BCKDHB: variants seen among roughly 807,000 people sequenced by gnomAD.
BCKDHB encodes the protein branched chain keto acid dehydrogenase E1 subunit beta.
Under a neutral mutation model 48.5 loss-of-function variants are expected in BCKDHB, and 41 were observed. The ratio of observed to expected loss-of-function variants is 0.85; its 90% confidence interval spans 0.66 to 1.10. The LOEUF is 1.10. BCKDHB is among the 50% of genes least tolerant of loss of function. The probability of loss-of-function intolerance (pLI) is 0.00; values close to 1 mark genes in which losing one functional copy is unlikely to be tolerated. For missense variants in BCKDHB, 496 were observed against 494.2 expected (o/e 1.00, Z -0.03); for synonymous variants, 201 against 174.8 (o/e 1.15, Z -1.18).
chr6:80,392,385 C>A, the BCKDHB span, among the ~76,000 whole-genome samples: 1 of 151,150 alleles, frequency 6.6e-6, no homozygotes, highest in African/African-American at 2.5e-5. Flanking sequence ...TTATTTTGAA[C>A]TTTCCTTTAT....
At chr6:80,284,697 A>G (rs1056116863) in intron 9 of BCKDHB, among the ~76,000 whole-genome samples, 2 of 152,146 alleles carry the variant, frequency 1.3e-5, no homozygotes, top group African/African-American at 2.4e-5. Flanking sequence ...TTATGTTTTT[A>G]AAAATGCCTT....
chr6:80,401,405 TG>T, the BCKDHB span, among the ~76,000 whole-genome samples: 1 of 151,742 alleles, frequency 6.6e-6, no homozygotes, highest in Non-Finnish European at 1.5e-5. Flanking sequence ...TTTTTTTCTT[TG>T]TGTTTAGAAC....
intron 3 of BCKDHB, among the ~76,000 whole-genome samples, chr6:80,150,769 C>G (rs924393589): frequency 6.6e-6 from 1 of 151,946 alleles, no homozygotes; most frequent in African/African-American, 2.4e-5. Flanking sequence ...GTTGGCCACA[C>G]TGGTCTTTTT....
At chr6:80,240,602 C>A (rs1776343123) in intron 8 of BCKDHB, among the ~76,000 whole-genome samples, 1 of 152,172 alleles carries the variant, frequency 6.6e-6, no homozygotes, top group South Asian at 2.1e-4. Context: ...ACAATCATGT[C>A]ATCTGCAAAC....
intron 3 of BCKDHB, among the ~76,000 whole-genome samples, chr6:80,145,224 G>A (rs1158265230): frequency 6.6e-6 from 1 of 152,266 alleles, no homozygotes; most frequent in East Asian, 1.9e-4. Flanking sequence ...GGAGGCTTTA[G>A]CAGTTAGTTG....
At chr6:80,242,885 C>T (rs1283681155) in intron 8 of BCKDHB, among the ~76,000 whole-genome samples, 1 of 152,094 alleles carries the variant, frequency 6.6e-6, no homozygotes, top group Non-Finnish European at 1.5e-5. Flanking sequence ...TTTCCAGAGA[C>T]CCAAATCTGT....
At chr6:80,108,776 C>T (rs2127703170) in intron 1 of BCKDHB, among the ~76,000 whole-genome samples, 1 of 152,178 alleles carries the variant, frequency 6.6e-6, no homozygotes, top group South Asian at 2.1e-4. Context: ...AGGAGAATCG[C>T]TTGAACCTGG....
intron 8 of BCKDHB, among the ~76,000 whole-genome samples, chr6:80,245,316 A>G (rs1270511568): frequency 6.6e-6 from 1 of 152,106 alleles, no homozygotes; most frequent in Non-Finnish European, 1.5e-5. Flanking sequence ...GGAATTGAAG[A>G]AAAAACGACC....
chr6:80,364,662 G>A, the BCKDHB span, among the ~76,000 whole-genome samples: 1 of 151,918 alleles, frequency 6.6e-6, no homozygotes, highest in Non-Finnish European at 1.5e-5. Flanking sequence ...CTTAAACTCA[G>A]TGGCTTTCAG....
chr6:80,251,187 G>C (rs1776822853), intron 8 of BCKDHB, among the ~76,000 whole-genome samples: 1 of 152,054 alleles, frequency 6.6e-6, no homozygotes, highest in East Asian at 1.9e-4. Context: ...TAAAAACCTA[G>C]GCCTCTTGTT....
chr6:80,106,706 G>C lies in BCKDHB; in HGVS notation c.13G>C (p.Ala5Pro), dbSNP rs1348748094. 31 of 1,551,994 alleles carry C rather than the reference G, an allele frequency of 2.0e-5. No homozygotes were observed. The highest frequency in any genetic ancestry group is 2.6e-5 in the Non-Finnish European group (30 of 1,148,480). The change falls in exon 1 of 10, where the codon GCG becomes CCG. Residue 5 changes from alanine to proline, a missense_variant. Ala to Pro is a conservative substitution (Grantham distance 27). Coordinates refer to ENST00000320393, the MANE Select transcript of BCKDHB (RefSeq NM_183050.4). ...GTGGTGAGCGGGGATGGCGGTTGTA[G>C]CGGCGGCTGCCGGCTGGCTACTCAG... MAVV[A>P]AAAGWLLRLR...
chr6:80,377,810 AC>A, the BCKDHB span, among the ~76,000 whole-genome samples: 1 of 152,348 alleles, frequency 6.6e-6, no homozygotes, highest in Admixed American at 6.5e-5. Flanking sequence ...AACTAAAACA[AC>A]ATAAAAGTCC....
intron 3 of BCKDHB, among the ~76,000 whole-genome samples, chr6:80,147,451 A>G (rs1032569540): frequency 6.6e-6 from 1 of 152,340 alleles, no homozygotes; most frequent in African/African-American, 2.4e-5. Context: ...TAGATTACAA[A>G]TAATTTAACC....
the BCKDHB span, among the ~76,000 whole-genome samples, chr6:80,402,369 T>C: frequency 6.6e-6 from 1 of 151,984 alleles, no homozygotes; most frequent in East Asian, 1.9e-4. Context: ...TGATTAGTGA[T>C]GTCGAGCAAC....
At chr6:80,144,651 G>T (rs1236682543) in intron 3 of BCKDHB, among the ~76,000 whole-genome samples, 2 of 151,972 alleles carry the variant, frequency 1.3e-5, no homozygotes, top group Non-Finnish European at 1.5e-5. Context: ...ATTCATTTCT[G>T]GCCAGATTAA....
At chr6:80,417,408 G>A in the BCKDHB span, among the ~76,000 whole-genome samples, 1 of 152,238 alleles carries the variant, frequency 6.6e-6, no homozygotes, top group East Asian at 1.9e-4. Context: ...TGGTTATTTT[G>A]CACACTTGTT....
chr6:80,384,335 T>C, the BCKDHB span, among the ~76,000 whole-genome samples: 4 of 25,120 alleles, frequency 1.6e-4, no homozygotes, highest in Non-Finnish European at 5.3e-4. Flanking sequence ...CCGATCTTCT[T>C]CTTCTTCTTC....
chr6:80,313,408 T>G (rs1562223302), intron 9 of BCKDHB, among the ~76,000 whole-genome samples: 1 of 152,214 alleles, frequency 6.6e-6, no homozygotes, highest in Non-Finnish European at 1.5e-5. Flanking sequence ...TCACCCAGGC[T>G]GGAGTGCAGT....
chr6:80,278,392 A>G (rs1462143430), intron 9 of BCKDHB, among the ~76,000 whole-genome samples: 1 of 152,158 alleles, frequency 6.6e-6, no homozygotes, highest in Non-Finnish European at 1.5e-5. Flanking sequence ...ACAGATAGGA[A>G]CCAAAGTCTA....
Sources: gnomAD v4.1 joint callset for allele counts (sites outside exome capture counted in the v4.1 genomes callset) on GRCh38, gnomAD v4.1.1 for gene constraint, MANE v1.5 for transcripts, NCBI Gene and HGNC (gene_info 2026-07-23, HGNC 2026-07-21) for gene names.